Variants in MAP1LC3B observed in about 807,000 individuals in gnomAD.
MAP1LC3B encodes the protein microtubule-associated protein 1 light chain 3 beta.
Under a neutral mutation model 16.7 loss-of-function variants are expected in MAP1LC3B, and 12 were observed. That is an observed-to-expected ratio of 0.72 (90% CI 0.46 to 1.16). MAP1LC3B has a LOEUF of 1.16. Ranked by LOEUF, MAP1LC3B falls within the 50% of genes most tolerant of loss-of-function variation. The probability of loss-of-function intolerance (pLI) is 0.00; values close to 1 mark genes in which losing one functional copy is unlikely to be tolerated. For synonymous variants in MAP1LC3B, 63 were observed against 56.5 expected (o/e 1.11, Z -0.51); for missense variants, 155 against 159.5 (o/e 0.97, Z 0.15).
chr16:87,392,550 G>A (rs1412705076), intron 1 of MAP1LC3B, 83 bp downstream of exon 1: 2 of 1,174,248 alleles, frequency 1.7e-6, no homozygotes, highest in Non-Finnish European at 2.1e-6. Context: ...ACGCCGTGAG[G>A]GGTCGGGGCC....
intron 1 of MAP1LC3B, chr16:87,392,784 G>T (rs1175673443): frequency 6.5e-6 from 1 of 154,368 alleles, no homozygotes; most frequent in East Asian, 1.9e-4. Context: ...GAATCACCCC[G>T]CGCCCTCCGC....
Position 87,403,961 on chromosome 16 carries a change from G to A in MAP1LC3B, c.*864G>A, listed in dbSNP as rs1908085234. ...GGGAGAAACACAAAATAGTATAACT[G>A]AAAACATTAACATTCAGACACACTC... On this transcript the variant is annotated 3_prime_UTR_variant, in exon 4 of 4. Coordinates refer to ENST00000268607, the MANE Select transcript of MAP1LC3B (RefSeq NM_022818.5). 2 of 152,304 alleles carry A rather than the reference G, an allele frequency of 1.3e-5. No individual in the cohort carries two copies. Among genetic ancestry groups the A allele is most frequent in the East Asian group, 3.9e-4 (2 of 5,190 alleles). The allele number at this position is 152,304 out of a possible 1,614,324, so 9.4% of individuals were successfully genotyped here.
At chr16:87,398,377 A>C (rs765486022) in intron 1 of MAP1LC3B, among the ~76,000 whole-genome samples, 2 of 152,224 alleles carry the variant, frequency 1.3e-5, no homozygotes, top group Non-Finnish European at 2.9e-5. Flanking sequence ...TGGAAGTGAT[A>C]AGGGAAAAAT....
chr16:87,401,332 T>C (rs1450023562), intron 2 of MAP1LC3B, among the ~76,000 whole-genome samples: 1 of 152,140 alleles, frequency 6.6e-6, no homozygotes, highest in Non-Finnish European at 1.5e-5. Context: ...TAGCCAAGTA[T>C]CTTCCCCCAC....
Position 87,402,183 on chromosome 16 carries a change from A to C in MAP1LC3B, c.105A>C (p.Ile35=). 8.7e-6 allele frequency: 14 copies of C among 1,614,072 alleles called. No individual in the cohort carries two copies. Among genetic ancestry groups the C allele is most frequent in the Non-Finnish European group, 1.2e-5 (14 of 1,179,986 alleles). ...TCTGGCTTCTTTTCCAGGTGATAAT[A>C]GAACGATACAAGGGTGAGAAGCAGC... ...EQHPTKIPVI[I]ERYKGEKQLP... is the part of the protein sequence containing the mutation. The change falls in exon 3 of 4, where the codon ATA becomes ATC. Residue 35 remains isoleucine (I), a synonymous_variant. Transcript: ENST00000268607.
rs1233147707 is a variant in MAP1LC3B at position 87,392,374 on chromosome 16, G to A, written c.-54G>A. The A allele has an allele frequency of 2.9e-6, 4 of 1,385,312 alleles. No homozygotes were observed. Among genetic ancestry groups the A allele is most frequent in the African/African-American group, 3.1e-5 (2 of 65,328 alleles). The allele number at this position is 1,385,312 out of a possible 1,614,324, so 85.8% of individuals were successfully genotyped here. On this transcript the variant is annotated 5_prime_UTR_variant, in exon 1 of 4. Coordinates refer to ENST00000268607, the MANE Select transcript of MAP1LC3B (RefSeq NM_022818.5). ...CCGCCGCAGCAGCCGCCGCCCCCGG[G>A]AGCCGCCGGGACCCTCGCGTCGTCG...
Position 87,394,340 on chromosome 16 carries a change from G to A in MAP1LC3B, c.40+1873G>A, listed in dbSNP as rs143560149. 2.0e-4 allele frequency among the ~76,000 whole-genome samples: 30 copies of A among 152,242 alleles called. No homozygotes were observed. In the East Asian group the frequency reaches 5.0e-3, roughly 25 times the overall value. On this transcript the variant is annotated intron_variant, in intron 1 of 3. Transcript: ENST00000268607. ...GTAATGTTGATCATGAGTACTGACA[G>A]TTTTCAGACATGTGTAGCACAGTAA...
chr16:87,403,086 T>C lies in MAP1LC3B; in HGVS notation c.367T>C (p.Leu123=), dbSNP rs202225886. The change falls in exon 4 of 4, where the codon TTG becomes CTG. Residue 123 remains leucine, a synonymous_variant. Transcript: ENST00000268607. The stretch of plus-strand genomic sequence containing the variant: ...CTCCCAGGAGACGTTCGGGATGAAA[T>C]TGTCAGTGTAAAACCAGAAAAAATG... ...YASQETFGMK[L]SV is the part of the protein sequence containing the mutation. 2.0e-5 allele frequency: 32 copies of C among 1,609,034 alleles called. No homozygotes were observed. The highest frequency in any genetic ancestry group is 5.1e-5 in the Admixed American group (3 of 58,562).
At chr16:87,392,741 G>A (rs906737136) in intron 1 of MAP1LC3B, 42 of 166,460 alleles carry the variant, frequency 2.5e-4, no homozygotes, top group Non-Finnish European at 3.8e-4. Flanking sequence ...GAGGGCGGGC[G>A]GGGGCCGGTG....
At chr16:87,397,419 C>A (rs1333618104) in intron 1 of MAP1LC3B, among the ~76,000 whole-genome samples, 1 of 151,960 alleles carries the variant, frequency 6.6e-6, no homozygotes, top group African/African-American at 2.4e-5. Context: ...GAGATGGAGA[C>A]CATCCTGGTT....
At chr16:87,400,797 G>C (rs1291998950) in intron 2 of MAP1LC3B, among the ~76,000 whole-genome samples, 1 of 151,388 alleles carries the variant, frequency 6.6e-6, no homozygotes, top group Non-Finnish European at 1.5e-5. Context: ...AGAACAACCA[G>C]CCTGAGTCAC....
rs917509898 is a variant in MAP1LC3B at position 87,399,437 on chromosome 16, C to G, written c.96+567C>G. 2.5e-5 allele frequency: 8 copies of G among 317,322 alleles called. No individual in the cohort carries two copies. In the Admixed American group the frequency reaches 3.6e-4, roughly 14 times the overall value. 19.7% of individuals were successfully genotyped at this position (317,322 alleles called of 1,614,324 possible). On this transcript the variant is annotated intron_variant, in intron 2 of 3. Coordinates refer to ENST00000268607, the MANE Select transcript of MAP1LC3B (RefSeq NM_022818.5). ...GAACGTGTCCGCTAGATAAAGCTCT[C>G]AAACTTACCAAGGAAAGTGATGACA...
At chr16:87,396,851 A>G (rs1907824708) in intron 1 of MAP1LC3B, 1 of 152,168 alleles carries the variant, frequency 6.6e-6, no homozygotes, top group Non-Finnish European at 1.5e-5. Context: ...TTTTGAGACA[A>G]AAGTCTTGCT....
intron 2 of MAP1LC3B, among the ~76,000 whole-genome samples, chr16:87,401,958 G>C (rs1479540091): frequency 6.6e-6 from 1 of 151,910 alleles, no homozygotes; most frequent in South Asian, 2.1e-4. Context: ...TCAGCCTCCT[G>C]AGTAGCTGGG....
At chr16:87,397,444 C>CT (rs1907846027) in intron 1 of MAP1LC3B, among the ~76,000 whole-genome samples, 1 of 151,966 alleles carries the variant, frequency 6.6e-6, no homozygotes, top group Non-Finnish European at 1.5e-5. Flanking sequence ...GGGTGAAACC[C>CT]GTCTCTACTA....
At chr16:87,399,512 C>A in intron 2 of MAP1LC3B, 2 of 429,898 alleles carry the variant, frequency 4.7e-6, no homozygotes, top group African/African-American at 2.0e-5. Context: ...CACAATAGAA[C>A]AATGTACAAA....
intron 2 of MAP1LC3B, chr16:87,399,824 A>T (rs950276859): frequency 1.4e-5 from 4 of 285,958 alleles, no homozygotes; most frequent in Non-Finnish European, 2.8e-5. Context: ...CCCAGGCTGG[A>T]GTGTAGTGGC....
Position 87,404,039 on chromosome 16 carries a change from A to ATGT in MAP1LC3B, c.*944_*946dup, listed in dbSNP as rs1442036119. On this transcript the variant is annotated 3_prime_UTR_variant, in exon 4 of 4. Coordinates refer to ENST00000268607, the MANE Select transcript of MAP1LC3B (RefSeq NM_022818.5). Reference sequence around the variant, plus strand: ...GATGATCCACGTTTTTGTTTTTTTAATGTTAAATGTGTAACTCAGTATTAC... The same window carrying ATGT: ...GATGATCCACGTTTTTGTTTTTTTAATGTTGTTAAATGTGTAACTCAGTATTAC... 6.6e-6 allele frequency: 1 copy of ATGT among 152,136 alleles called. No individual in the cohort carries two copies. Among genetic ancestry groups the ATGT allele is most frequent in the Non-Finnish European group, 1.5e-5 (1 of 68,016 alleles). 9.4% of individuals were successfully genotyped at this position (152,136 alleles called of 1,614,324 possible).
intron 2 of MAP1LC3B, chr16:87,399,503 A>G (rs1397572631): frequency 2.4e-6 from 1 of 409,346 alleles, no homozygotes; most frequent in Admixed American, 2.9e-5. Context: ...TAGGTCTCAC[A>G]CAATAGAACA....
Sources: allele counts gnomAD v4.1 joint callset (sites outside exome capture counted in the v4.1 genomes callset), GRCh38; gene constraint gnomAD v4.1.1; transcripts MANE v1.5; gene names NCBI Gene and HGNC (gene_info 2026-07-23, HGNC 2026-07-21).